The following VPS36 variants were observed in gnomAD, a reference collection of about 807,000 sequenced individuals.
VPS36 encodes the protein vacuolar protein-sorting-associated protein 36.
A neutral mutation model predicts 63.5 loss-of-function variants in VPS36; 31 were observed. The observed-to-expected ratio is 0.49, with a 90% CI of 0.37 to 0.66. The LOEUF (loss-of-function observed/expected upper bound fraction) is 0.66. Ranked by LOEUF, VPS36 falls within the 30% of genes least tolerant of loss-of-function variation. The pLI is 0.00. For synonymous variants in VPS36, 138 were observed against 157.2 expected (o/e 0.88, Z 0.91); for missense variants, 338 against 463.7 (o/e 0.73, Z 2.49).
Position 52,413,663 on chromosome 13 carries a change from T to G in VPS36, c.*2167A>C, listed in dbSNP as rs139861420. 70 of 152,670 alleles carry G rather than the reference T, an allele frequency of 4.6e-4. No individual in the cohort carries two copies. Among genetic ancestry groups the G allele is most frequent in the African/African-American group, 1.6e-3 (66 of 41,568 alleles). 9.5% of individuals were successfully genotyped at this position (152,670 alleles called of 1,614,324 possible). A position where few individuals can be genotyped will look rare whatever the true frequency, so the allele number is the denominator to read the frequency against. On this transcript the variant is annotated 3_prime_UTR_variant, in exon 14 of 14. Transcript: ENST00000378060. Reference sequence around the variant, plus strand: ...TACCATAAAGCTACAAAGAGGCTCATGCTCCTAAGAGCAAAGTTAGGAAAA... The same window carrying G: ...TACCATAAAGCTACAAAGAGGCTCAGGCTCCTAAGAGCAAAGTTAGGAAAA...
chr13:52,417,230 T>C, intron 11 of VPS36, 89 bp from the exon 12 acceptor site: 1 of 1,087,994 alleles, frequency 9.2e-7, no homozygotes, highest in Non-Finnish European at 1.4e-6. Context: ...CCTTCTTTTA[T>C]GCCCAGATAT....
chr13:52,433,935 T>C (rs1303362931), intron 5 of VPS36, among the ~76,000 whole-genome samples, 187 bp from the exon 6 acceptor site: 1 of 152,192 alleles, frequency 6.6e-6, no homozygotes, highest in Non-Finnish European at 1.5e-5. Context: ...ATAATGATCT[T>C]AAAATCATTC....
In VPS36 at chr13:52,415,733, A is replaced by C; in HGVS notation, c.*97T>G. 1 of 1,142,742 alleles carries C rather than the reference A, an allele frequency of 8.8e-7. No individual in the cohort carries two copies. Among genetic ancestry groups the C allele is most frequent in the East Asian group, 2.4e-5 (1 of 42,436 alleles). The allele number at this position is 1,142,742 out of a possible 1,614,324, so 70.8% of individuals were successfully genotyped here. A position where few individuals can be genotyped will look rare whatever the true frequency, so the allele number is the denominator to read the frequency against. ...TACATTGCACTGTGAAGTTCCAATAAATTCTCAATTGATCGGGGTTTATCT... is the reference window on the plus strand; with the variant it reads ...TACATTGCACTGTGAAGTTCCAATACATTCTCAATTGATCGGGGTTTATCT... On this transcript the variant is annotated 3_prime_UTR_variant, in exon 14 of 14. Transcript: ENST00000378060.
intron 11 of VPS36, 82 bp downstream of exon 11, chr13:52,417,910 G>A (rs965347091): frequency 1.3e-5 from 15 of 1,189,454 alleles, no homozygotes; most frequent in Middle Eastern, 1.9e-4. Context: ...CACTAGGGAT[G>A]GCAAACTTGG....
intron 2 of VPS36, among the ~76,000 whole-genome samples, chr13:52,441,684 G>A (rs577956515): frequency 5.3e-5 from 8 of 152,140 alleles, no homozygotes; most frequent in East Asian, 1.9e-4. Context: ...CCTGGGAGGC[G>A]GAGGTTGCAG....
intron 8 of VPS36, 119 bp downstream of exon 8, chr13:52,426,870 A>T (rs551294592): frequency 1.5e-6 from 1 of 656,468 alleles, no homozygotes; most frequent in East Asian, 3.1e-5. Flanking sequence ...TAAATAAACA[A>T]TAAATAAAAC....
At chr13:52,443,880 A>G (rs1958306758) in intron 1 of VPS36, among the ~76,000 whole-genome samples, 1 of 152,168 alleles carries the variant, frequency 6.6e-6, no homozygotes, top group Non-Finnish European at 1.5e-5. Context: ...TGTTTCTGTT[A>G]AAAGCAAGAT....
chr13:52,418,254 A>C (rs1453326670), intron 10 of VPS36, among the ~76,000 whole-genome samples, 198 bp from the exon 11 acceptor site: 2 of 150,438 alleles, frequency 1.3e-5, no homozygotes, highest in Non-Finnish European at 3.0e-5. Flanking sequence ...CACATATGTC[A>C]CTGCAAATTT....
chr13:52,423,622 C>T lies in VPS36; in HGVS notation c.792G>A (p.Met264Ile). ...CTAAGCAGTACACCTCCGTGAGTGA[C>T]ATTATTCCCCCTCGTTCCTGTTCAA... ...QVPLEERGGI[M>I]SLTEVYCLVN... Residue 264 changes from methionine to isoleucine, a missense_variant, in exon 10 of 14, where the codon ATG becomes ATA. Transcript: ENST00000378060. 2 of 1,611,032 alleles carry T rather than the reference C, an allele frequency of 1.2e-6. No homozygotes were observed. The highest frequency in any genetic ancestry group is 1.7e-6 in the Non-Finnish European group (2 of 1,178,590).
At chr13:52,423,674 G>T in intron 9 of VPS36, 35 bp from the exon 10 acceptor site, 1 of 1,543,470 alleles carries the variant, frequency 6.5e-7, no homozygotes, top group Non-Finnish European at 8.9e-7. Flanking sequence ...AAAGTATTAT[G>T]TTACAATTAC....
At chr13:52,431,814 T>C (rs1318143099) in intron 6 of VPS36, among the ~76,000 whole-genome samples, 4 of 139,796 alleles carry the variant, frequency 2.9e-5, no homozygotes, top group Non-Finnish European at 6.2e-5. Flanking sequence ...CTCAGATAAA[T>C]GGTTGATTCC....
At chr13:52,425,771 A>C in intron 9 of VPS36, 161 bp downstream of exon 9, 6 of 657,108 alleles carry the variant, frequency 9.1e-6, no homozygotes, top group Non-Finnish European at 1.1e-5. Context: ...TACAAAGAAT[A>C]ATAAGCACAA....
At chr13:52,435,392 GAA>G (rs148051905) in intron 4 of VPS36, among the ~76,000 whole-genome samples, 3 of 143,330 alleles carry the variant, frequency 2.1e-5, no homozygotes, top group African/African-American at 2.5e-5. Context: ...AAGCACAAGG[GAA>G]AAAAAAAAAG....
Position 52,435,022 on chromosome 13 carries a change from A to G in VPS36, c.352-140T>C, listed in dbSNP as rs1391076960. Reference sequence around the variant, plus strand: ...GTTTTGTTCTTGTTGCCCAGGCTGGAGTGCAATGGCGTGATCTAGGCTCAC... The same window carrying G: ...GTTTTGTTCTTGTTGCCCAGGCTGGGGTGCAATGGCGTGATCTAGGCTCAC... On this transcript the variant is annotated intron_variant, in intron 4 of 13. Coordinates refer to ENST00000378060, the MANE Select transcript of VPS36 (RefSeq NM_016075.4). 4.0e-6 allele frequency: 3 copies of G among 745,270 alleles called. No individual in the cohort carries two copies. In the African/African-American group the frequency reaches 6.2e-5, roughly 15 times the overall value. The allele number at this position is 745,270 out of a possible 1,614,324, so 46.2% of individuals were successfully genotyped here.
intron 1 of VPS36, chr13:52,450,154 CG>C: frequency 1.0e-6 from 1 of 1,004,896 alleles, no homozygotes; most frequent in Non-Finnish European, 1.2e-6. Context: ...GCCGGATCGC[CG>C]CCCGGCGCCC....
In VPS36 at chr13:52,433,687, T is replaced by C. The variant is rs531572536; in HGVS notation, c.503A>G (p.Lys168Arg). ...GIERKLEEKR[K>R]ETDKNISEAF... ...CTCAGAAATGTTTTTGTCAGTTTCT[T>C]TTCTTTTTTCTTCCAGTTTCCTTTC... is the stretch of plus-strand genomic sequence containing the variant. Residue 168 changes from lysine to arginine, a missense_variant, in exon 6 of 14, where the codon AAA becomes AGA. Coordinates refer to ENST00000378060, the MANE Select transcript of VPS36 (RefSeq NM_016075.4). 7 of 1,613,652 alleles carry C rather than the reference T, an allele frequency of 4.3e-6. No homozygotes were observed. The African/African-American group carries it at 9.3e-5, about 22-fold the overall frequency.
At chr13:52,434,738 G>T in intron 5 of VPS36, 55 bp downstream of exon 5, 2 of 1,454,590 alleles carry the variant, frequency 1.4e-6, no homozygotes, top group South Asian at 1.2e-5. Flanking sequence ...TTTTCTTAAT[G>T]AAGATGTAAG....
At chr13:52,433,565 T>G in intron 6 of VPS36, 97 bp downstream of exon 6, 1 of 1,013,254 alleles carries the variant, frequency 9.9e-7, no homozygotes, top group Non-Finnish European at 1.5e-6. Flanking sequence ...GCAAATGAAA[T>G]ATATTCTAAA....
intron 3 of VPS36, 128 bp from the exon 4 acceptor site, chr13:52,436,532 C>T: frequency 4.3e-6 from 3 of 694,164 alleles, no homozygotes; most frequent in Non-Finnish European, 7.3e-6. Context: ...TCCCAAAAAG[C>T]ATCCTTTTAA....
Sources: gnomAD v4.1 joint callset for allele counts (sites outside exome capture counted in the v4.1 genomes callset) on GRCh38, gnomAD v4.1.1 for gene constraint, MANE v1.5 for transcripts, NCBI Gene and HGNC (gene_info 2026-07-23, HGNC 2026-07-21) for gene names.